Variants in ETV6 observed in about 807,000 individuals in gnomAD.
ETV6 encodes the protein transcription factor ETV6.
A neutral mutation model predicts 51.1 loss-of-function variants in ETV6; 16 were observed. The observed-to-expected ratio is 0.31, with a 90% confidence interval of 0.21 to 0.48. ETV6 has a LOEUF of 0.48. Ranked by LOEUF, ETV6 falls within the 20% of genes least tolerant of loss-of-function variation. The probability of loss-of-function intolerance (pLI) is 0.99; values close to 1 mark genes in which losing one functional copy is unlikely to be tolerated. For missense variants in ETV6, 458 were observed against 594.8 expected (o/e 0.77, Z 2.39); for synonymous variants, 240 against 224.1 (o/e 1.07, Z -0.64).
At chr12:11,851,076 G>A (rs905830908) in intron 3 of ETV6, among the ~76,000 whole-genome samples, 13 of 151,960 alleles carry the variant, frequency 8.6e-5, no homozygotes, top group Non-Finnish European at 1.3e-4. Context: ...CACAGGAGTT[G>A]GGACTCCCAC....
intron 1 of ETV6, among the ~76,000 whole-genome samples, chr12:11,669,042 G>A (rs1591596991): frequency 6.6e-6 from 1 of 152,162 alleles, no homozygotes; most frequent in African/African-American, 2.4e-5. Flanking sequence ...GTCTAATTCT[G>A]TACACACCCG....
chr12:11,839,346 C>G lies in ETV6; in HGVS notation c.328+42C>G, dbSNP rs758251353. On this transcript the variant is annotated intron_variant, in intron 3 of 7. Transcript: ENST00000396373. Reference sequence around the variant, plus strand: ...TTGGCATATGCCCAACTTGGAAAGTCTCTTAGTTAGTGGTTGGTCTTTAAC... The same window carrying G: ...TTGGCATATGCCCAACTTGGAAAGTGTCTTAGTTAGTGGTTGGTCTTTAAC... 6 of 1,579,592 alleles carry G rather than the reference C, an allele frequency of 3.8e-6. No homozygotes were observed. In the South Asian group the frequency reaches 5.8e-5, roughly 15 times the overall value.
chr12:11,768,044 A>G (rs1945187890), intron 2 of ETV6, among the ~76,000 whole-genome samples: 1 of 152,160 alleles, frequency 6.6e-6, no homozygotes, highest in African/African-American at 2.4e-5. Flanking sequence ...CTGCTCATTT[A>G]AGCCATTCCC....
chr12:11,868,920 G>A (rs1289283550), intron 4 of ETV6, among the ~76,000 whole-genome samples: 1 of 152,050 alleles, frequency 6.6e-6, no homozygotes, highest in African/African-American at 2.4e-5. Context: ...AGGTTGTCTG[G>A]CAATAGAAAA....
At chr12:11,841,347 A>T (rs1249086566) in intron 3 of ETV6, among the ~76,000 whole-genome samples, 1 of 152,170 alleles carries the variant, frequency 6.6e-6, no homozygotes, top group East Asian at 1.9e-4. Flanking sequence ...AAGGCCAAAG[A>T]AGGCTGGAGG....
chr12:11,723,647 A>G (rs1865435204), intron 1 of ETV6, among the ~76,000 whole-genome samples: 1 of 151,828 alleles, frequency 6.6e-6, no homozygotes, highest in Admixed American at 6.5e-5. Context: ...TATCCTTAAA[A>G]ATCAAACAGG....
chr12:11,836,554 G>C (rs1946319242), intron 2 of ETV6, among the ~76,000 whole-genome samples: 1 of 152,196 alleles, frequency 6.6e-6, no homozygotes, highest in Non-Finnish European at 1.5e-5. Context: ...TTAATGGGAA[G>C]TGAAAAGAGA....
At chr12:11,882,618 C>T (rs1211878478) in intron 5 of ETV6, among the ~76,000 whole-genome samples, 2 of 152,152 alleles carry the variant, frequency 1.3e-5, no homozygotes, top group Non-Finnish European at 2.9e-5. Flanking sequence ...CACTAAATAC[C>T]GTTGTTATTT....
At chr12:11,716,699 C>G (rs1360738388) in intron 1 of ETV6, 1 of 152,238 alleles carries the variant, frequency 6.6e-6, no homozygotes, top group African/African-American at 2.4e-5. Flanking sequence ...GAGCATCACT[C>G]TTTTCCTTTC....
chr12:11,782,070 A>G (rs1945422027), intron 2 of ETV6, among the ~76,000 whole-genome samples: 2 of 152,240 alleles, frequency 1.3e-5, no homozygotes, highest in Non-Finnish European at 2.9e-5. Flanking sequence ...AATATGCACA[A>G]TGGTACTACA....
intron 2 of ETV6, among the ~76,000 whole-genome samples, chr12:11,767,583 TGTGACTTG>T (rs1267734836): frequency 6.6e-6 from 1 of 152,242 alleles, no homozygotes; most frequent in Non-Finnish European, 1.5e-5. Context: ...CTCAGTTGCC[TGTGACTTG>T]GTATGAACTG....
chr12:11,658,072 T>A (rs976206664), intron 1 of ETV6, among the ~76,000 whole-genome samples: 4 of 152,190 alleles, frequency 2.6e-5, no homozygotes, highest in Non-Finnish European at 5.9e-5. Flanking sequence ...TTAGGGTTGT[T>A]GGGATATGTA....
chr12:11,694,807 T>C (rs1362473572), intron 1 of ETV6, among the ~76,000 whole-genome samples: 3 of 152,242 alleles, frequency 2.0e-5, no homozygotes, highest in Non-Finnish European at 2.9e-5. Context: ...GAATAAGACG[T>C]TCTTTTCCCT....
intron 1 of ETV6, among the ~76,000 whole-genome samples, chr12:11,720,862 TAAATC>T (rs769441730): frequency 3.1e-4 from 47 of 152,066 alleles, no homozygotes; most frequent in Non-Finnish European, 3.8e-4. Context: ...ATAAGGAACT[TAAATC>T]AAGAGGCAAA....
chr12:11,802,098 T>C (rs1945758304), intron 2 of ETV6, among the ~76,000 whole-genome samples: 1 of 152,234 alleles, frequency 6.6e-6, no homozygotes, highest in Non-Finnish European at 1.5e-5. Flanking sequence ...GGAAACTTCC[T>C]GTTGGTTAGG....
At chr12:11,861,866 T>C (rs552022009) in intron 4 of ETV6, among the ~76,000 whole-genome samples, 22 of 152,304 alleles carry the variant, frequency 1.4e-4, no homozygotes, top group East Asian at 5.8e-4. Context: ...ACAGACCTAA[T>C]TGACTTATTG....
chr12:11,883,661 A>G (rs1947141299), intron 5 of ETV6, among the ~76,000 whole-genome samples: 1 of 152,128 alleles, frequency 6.6e-6, no homozygotes, highest in African/African-American at 2.4e-5. Context: ...CCTAGTCCAT[A>G]TTAAATCACC....
intron 7 of ETV6, among the ~76,000 whole-genome samples, chr12:11,887,749 GAAAAA>G (rs58685356): frequency 7.2e-5 from 7 of 97,396 alleles, no homozygotes; most frequent in African/African-American, 1.3e-4. Context: ...TCCATCTCAA[GAAAAA>G]AAAAAAAAAA....
At chr12:11,716,889 C>G (rs1865290132) in intron 1 of ETV6, 1 of 152,236 alleles carries the variant, frequency 6.6e-6, no homozygotes, top group Non-Finnish European at 1.5e-5. Flanking sequence ...GTAAACTGCT[C>G]AGCCACTTCT....
Sources: allele counts gnomAD v4.1 joint callset (sites outside exome capture counted in the v4.1 genomes callset), GRCh38; gene constraint gnomAD v4.1.1; transcripts MANE v1.5; gene names NCBI Gene and HGNC (gene_info 2026-07-23, HGNC 2026-07-21).